Variants in KANSL1L observed in about 807,000 individuals in gnomAD.
KANSL1L encodes KAT8 regulatory NSL complex subunit 1 like.
Under a neutral mutation model 108.6 loss-of-function variants are expected in KANSL1L, and 25 were observed. The ratio of observed to expected loss-of-function variants is 0.23; its 90% CI spans 0.17 to 0.32. The LOEUF (loss-of-function observed/expected upper bound fraction) is 0.32. Among genes scored for constraint, KANSL1L ranks in the 10% least tolerant of loss-of-function variants. KANSL1L has a pLI of 1.00. For synonymous variants in KANSL1L, 405 were observed against 395.1 expected (o/e 1.03, Z -0.30); for missense variants, 1,137 against 1,125.7 (o/e 1.01, Z -0.14).
At chr2:210,058,586 C>T (rs1223614656) in intron 6 of KANSL1L, among the ~76,000 whole-genome samples, 1 of 152,124 alleles carries the variant, frequency 6.6e-6, no homozygotes, top group African/African-American at 2.4e-5. Flanking sequence ...GTAATCCCAG[C>T]ACTTTAGGAG....
At chr2:210,073,224 C>G (rs2125319218) in intron 6 of KANSL1L, among the ~76,000 whole-genome samples, 1 of 152,086 alleles carries the variant, frequency 6.6e-6, no homozygotes, top group East Asian at 1.9e-4. Context: ...CCCTGGAGAC[C>G]AGCCATTTCT....
At chr2:210,063,525 A>G (rs2125283782) in intron 6 of KANSL1L, among the ~76,000 whole-genome samples, 1 of 152,368 alleles carries the variant, frequency 6.6e-6, no homozygotes, top group East Asian at 1.9e-4. Context: ...GAAGGGGGCT[A>G]TACTCTGCAA....
intron 3 of KANSL1L, among the ~76,000 whole-genome samples, chr2:210,118,594 C>G (rs1048088750): frequency 5.9e-5 from 9 of 151,856 alleles, no homozygotes; most frequent in Non-Finnish European, 1.2e-4. Context: ...TACCTGTAAT[C>G]CCAGCACTTT....
intron 6 of KANSL1L, among the ~76,000 whole-genome samples, chr2:210,061,296 C>G (rs1475490948): frequency 6.6e-6 from 1 of 152,072 alleles, no homozygotes; most frequent in Non-Finnish European, 1.5e-5. Flanking sequence ...TCTTGGATGC[C>G]AGAGGCCTCT....
rs973741496 is a variant in KANSL1L, at chr2:210,127,614, T to C, written c.1230+1417A>G. 1.3e-4 allele frequency among the ~76,000 whole-genome samples: 20 copies of C among 151,486 alleles called. No individual in the cohort carries two copies. In the East Asian group the frequency reaches 1.4e-3, roughly 10 times the overall value. On this transcript the variant is annotated intron_variant, in intron 3 of 14. Coordinates refer to ENST00000281772, the MANE Select transcript of KANSL1L (RefSeq NM_152519.4). Reference sequence around the variant, plus strand: ...AGGAGTTCGAGACCAGCCTGGGCAATAGAGGGAGATCCCATCTCTACAAAA... The same window carrying C: ...AGGAGTTCGAGACCAGCCTGGGCAACAGAGGGAGATCCCATCTCTACAAAA...
Position 210,103,422 on chromosome 2 carries a change from A to G in KANSL1L, c.1428+682T>C, listed in dbSNP as rs183256501. 5.8e-3 allele frequency among the ~76,000 whole-genome samples: 881 copies of G among 152,324 alleles called. 10 individuals carry two copies. Among genetic ancestry groups the G allele is most frequent in the African/African-American group, 0.02 (852 of 41,564 alleles). On this transcript the variant is annotated intron_variant, in intron 4 of 14. Coordinates refer to ENST00000281772, the MANE Select transcript of KANSL1L (RefSeq NM_152519.4). ...CAACATGGCACATGTATACATATGT[A>G]ACAAACCTGCACGTTGTGCACATGT... is the stretch of plus-strand genomic sequence containing the variant.
chr2:210,107,334 T>C (rs141677990), intron 3 of KANSL1L, among the ~76,000 whole-genome samples: 208 of 152,102 alleles, frequency 1.4e-3, no homozygotes, highest in African/African-American at 4.8e-3. Context: ...CCATTTGATA[T>C]AGCCAGTGTT....
chr2:210,054,082 C>T (rs541427993), intron 6 of KANSL1L, among the ~76,000 whole-genome samples: 8 of 151,968 alleles, frequency 5.3e-5, no homozygotes, highest in East Asian at 1.9e-4. Flanking sequence ...TTTGGGAGGC[C>T]GAGGCCAGTG....
chr2:210,154,026 G>A lies in KANSL1L; in HGVS notation c.557C>T (p.Ala186Val). The A allele has an allele frequency of 6.2e-7, 1 of 1,613,910 alleles. No homozygotes were observed. Among genetic ancestry groups the A allele is most frequent in the Non-Finnish European group, 8.5e-7 (1 of 1,179,956 alleles). ...ENALLDKVTDAEIKKGLLHCT... is the reference protein window; with the variant it reads ...ENALLDKVTDVEIKKGLLHCT... ...GTGCAATAAACCCTTTTTAATCTCA[G>A]CATCAGTAACTTTATCCAAAAGTGC... Residue 186 changes from alanine (A) to valine (V), a missense_variant, in exon 2 of 15, where the codon GCT becomes GTT. Around this residue, in one of 3 missense-constraint regions of KANSL1L, gnomAD observed 556 missense variants for 537.7 expected, o/e 1.03. Coordinates refer to ENST00000281772, the MANE Select transcript of KANSL1L (RefSeq NM_152519.4).
chr2:210,050,383 T>C (rs1407343400), intron 6 of KANSL1L, among the ~76,000 whole-genome samples: 2 of 151,978 alleles, frequency 1.3e-5, no homozygotes, highest in Non-Finnish European at 2.9e-5. Flanking sequence ...TCAGATTGGA[T>C]AAAAAAGCCA....
Position 210,153,598 on chromosome 2 carries a change from T to C in KANSL1L, c.985A>G (p.Thr329Ala). ...TCTTCAACATGAGACAACAGCCCTG[T>C]AGCAGAAAATGCAAATCTTTGGATT... is the stretch of plus-strand genomic sequence containing the variant. ...AEIQRFAFSATGLLSHVEEGL... is the reference protein window; with the variant it reads ...AEIQRFAFSAAGLLSHVEEGL... The change falls in exon 2 of 15, where the codon ACA (threonine) becomes GCA (alanine). Residue 329 changes from threonine to alanine, a missense_variant. Thr to Ala is a moderately conservative substitution (Grantham distance 58). Coordinates refer to ENST00000281772, the MANE Select transcript of KANSL1L (RefSeq NM_152519.4). 2 of 1,613,974 alleles carry C rather than the reference T, an allele frequency of 1.2e-6. No homozygotes were observed. The highest frequency in any genetic ancestry group is 1.1e-5 in the South Asian group (1 of 91,036).
chr2:210,121,061 T>C (rs2095014471), intron 3 of KANSL1L, among the ~76,000 whole-genome samples: 1 of 152,174 alleles, frequency 6.6e-6, no homozygotes, highest in African/African-American at 2.4e-5. Flanking sequence ...GTGAAATTAG[T>C]TCAGCCATTG....
At chr2:210,112,255 T>A (rs1213566150) in intron 3 of KANSL1L, among the ~76,000 whole-genome samples, 1 of 152,186 alleles carries the variant, frequency 6.6e-6, no homozygotes, top group African/African-American at 2.4e-5. Context: ...AAGGATTCCC[T>A]CTTTAATAAA....
chr2:210,039,135 C>T (rs1459680540), intron 8 of KANSL1L, among the ~76,000 whole-genome samples: 1 of 151,850 alleles, frequency 6.6e-6, no homozygotes, highest in African/African-American at 2.4e-5. Context: ...ATTGGCTATT[C>T]AACATTTTCT....
At chr2:210,023,726 TAGC>T (rs1437278266) in intron 14 of KANSL1L, among the ~76,000 whole-genome samples, 2 of 152,284 alleles carry the variant, frequency 1.3e-5, no homozygotes, top group East Asian at 1.9e-4. Flanking sequence ...GAGAAAGAAA[TAGC>T]AGCTAACTTT....
At position 210,079,648 on chromosome 2, in the gene KANSL1L, A is replaced by ATATATATATGTG. The variant is rs1553653242; in HGVS notation, c.1551-3893_1551-3892insCACATATATATA. Among the ~76,000 whole-genome samples, 30 of 15,196 alleles carry ATATATATATGTG rather than the reference A, an allele frequency of 2.0e-3. 1 individual carries two copies. In the East Asian group the frequency reaches 0.051, roughly 26 times the overall value. 10.0% of individuals were successfully genotyped at this position (15,196 alleles called of 152,430 possible). ...TATATATATATATATATATATATAT[A>ATATATATATGTG]TATATATATATATATATGTATGTGT... is the stretch of plus-strand genomic sequence containing the variant. On this transcript the variant is annotated intron_variant, in intron 5 of 14. Transcript: ENST00000281772.
At chr2:210,057,947 T>C (rs1374392111) in intron 6 of KANSL1L, among the ~76,000 whole-genome samples, 1 of 152,136 alleles carries the variant, frequency 6.6e-6, no homozygotes, top group Non-Finnish European at 1.5e-5. Context: ...ACAAATTGTT[T>C]GTAGAGCATG....
intron 2 of KANSL1L, among the ~76,000 whole-genome samples, chr2:210,146,339 G>C (rs559806611): frequency 6.6e-6 from 1 of 152,148 alleles, no homozygotes; most frequent in South Asian, 2.1e-4. Flanking sequence ...TTTTTTGTTC[G>C]GGAGTGAAGA....
At chr2:210,072,197 C>T (rs189788481) in intron 6 of KANSL1L, among the ~76,000 whole-genome samples, 13 of 152,218 alleles carry the variant, frequency 8.5e-5, no homozygotes, top group Non-Finnish European at 1.8e-4. Flanking sequence ...AAGTCCTTAG[C>T]CTTTCTTGGC....
Sources: allele counts gnomAD v4.1 joint callset (sites outside exome capture counted in the v4.1 genomes callset), GRCh38; gene constraint gnomAD v4.1.1; regional missense constraint gnomAD v4.1.1; transcripts MANE v1.5; gene names NCBI Gene and HGNC (gene_info 2026-07-23, HGNC 2026-07-21).